The following CNTNAP2 variants were observed in gnomAD, a reference collection of about 807,000 sequenced individuals.
CNTNAP2 encodes the protein contactin-associated protein-like 2.
A neutral mutation model predicts 155.2 loss-of-function variants in CNTNAP2; 98 were observed. The ratio of observed to expected loss-of-function variants is 0.63; its 90% CI spans 0.54 to 0.75. CNTNAP2 has a LOEUF of 0.75. Ranked by LOEUF, CNTNAP2 falls within the 30% of genes least tolerant of loss-of-function variation. The pLI is 0.00. For synonymous variants in CNTNAP2, 651 were observed against 631.2 expected (o/e 1.03, Z -0.47); for missense variants, 1,727 against 1,688.1 (o/e 1.02, Z -0.40).
At chr7:147,302,444 G>A (rs772385186) in intron 9 of CNTNAP2, among the ~76,000 whole-genome samples, 81 of 152,170 alleles carry the variant, frequency 5.3e-4, no homozygotes, top group Non-Finnish European at 9.8e-4. Flanking sequence ...CAGGAGTCAG[G>A]AGAATATTGA....
At chr7:146,942,618 A>G (rs886139860) in intron 3 of CNTNAP2, among the ~76,000 whole-genome samples, 5 of 152,198 alleles carry the variant, frequency 3.3e-5, no homozygotes, top group Non-Finnish European at 5.9e-5. Flanking sequence ...TATATATGCA[A>G]GAATAACTTA....
chr7:147,069,100 T>C (rs914263460), intron 4 of CNTNAP2, among the ~76,000 whole-genome samples: 1 of 152,052 alleles, frequency 6.6e-6, no homozygotes, highest in Non-Finnish European at 1.5e-5. Context: ...GGGGAAAATA[T>C]AGAGCAAGAA....
chr7:148,095,316 G>C (rs764022047), intron 15 of CNTNAP2, among the ~76,000 whole-genome samples: 1 of 152,200 alleles, frequency 6.6e-6, no homozygotes, highest in Non-Finnish European at 1.5e-5. Flanking sequence ...AGTCAGGAGC[G>C]AGGATTCCTT....
At chr7:147,866,061 G>A (rs989153048) in intron 13 of CNTNAP2, among the ~76,000 whole-genome samples, 19 of 152,252 alleles carry the variant, frequency 1.2e-4, no homozygotes, top group African/African-American at 4.6e-4. Flanking sequence ...TGGGCATTTA[G>A]TGCTATAAAT....
At chr7:147,979,823 A>G (rs1325775754) in intron 15 of CNTNAP2, among the ~76,000 whole-genome samples, 1 of 152,052 alleles carries the variant, frequency 6.6e-6, no homozygotes, top group Non-Finnish European at 1.5e-5. Flanking sequence ...GGGTTTCACC[A>G]TGTTGGACAG....
At chr7:146,173,187 G>T (rs1167059293) in intron 1 of CNTNAP2, among the ~76,000 whole-genome samples, 2 of 151,952 alleles carry the variant, frequency 1.3e-5, no homozygotes, top group African/African-American at 4.8e-5. Context: ...TTTATATTTA[G>T]TTTTAATTTT....
intron 1 of CNTNAP2, among the ~76,000 whole-genome samples, chr7:146,327,415 G>T (rs1801116201): frequency 6.6e-6 from 1 of 152,194 alleles, no homozygotes; most frequent in Non-Finnish European, 1.5e-5. Flanking sequence ...ATATCTGGTT[G>T]CACAGAAAGA....
intron 1 of CNTNAP2, among the ~76,000 whole-genome samples, chr7:146,665,102 C>A (rs1800167382): frequency 6.6e-6 from 1 of 152,082 alleles, no homozygotes; most frequent in Non-Finnish European, 1.5e-5. Flanking sequence ...GCACCCACCA[C>A]AATACCCGGC....
At chr7:147,638,841 C>CTT (rs71874555) in intron 12 of CNTNAP2, 4,088 of 505,634 alleles carry the variant, frequency 8.1e-3, no homozygotes, top group Non-Finnish European at 9.5e-3. Context: ...GATACAAAAG[C>CTT]TTTTTTTTTT....
At chr7:147,200,951 A>T (rs538185195) in intron 8 of CNTNAP2, among the ~76,000 whole-genome samples, 16 of 152,328 alleles carry the variant, frequency 1.1e-4, no homozygotes, top group African/African-American at 3.6e-4. Context: ...AGTATTTTCA[A>T]CTGAGGGTCA....
chr7:146,592,050 C>G (rs1038243561), intron 1 of CNTNAP2, among the ~76,000 whole-genome samples: 3 of 152,174 alleles, frequency 2.0e-5, no homozygotes, highest in Non-Finnish European at 4.4e-5. Flanking sequence ...GAAGAAAGAG[C>G]TTCAGCTCCT....
intron 8 of CNTNAP2, among the ~76,000 whole-genome samples, chr7:147,249,012 A>AAC (rs563207751): frequency 4.7e-4 from 71 of 152,208 alleles, no homozygotes; most frequent in Non-Finnish European, 8.4e-4. Flanking sequence ...ATTGGTGGAA[A>AAC]ACACACACAC....
intron 1 of CNTNAP2, among the ~76,000 whole-genome samples, chr7:146,597,506 T>G (rs1385922495): frequency 1.3e-5 from 2 of 152,000 alleles, no homozygotes; most frequent in Non-Finnish European, 2.9e-5. Flanking sequence ...AAGTTTTATA[T>G]ATAGAAGTAT....
At chr7:146,125,091 G>C (rs919168044) in intron 1 of CNTNAP2, among the ~76,000 whole-genome samples, 6 of 152,122 alleles carry the variant, frequency 3.9e-5, no homozygotes, top group African/African-American at 1.2e-4. Flanking sequence ...ACTTATAGTA[G>C]AAGAGATTTT....
chr7:148,005,572 G>T (rs1801961454), intron 15 of CNTNAP2, among the ~76,000 whole-genome samples: 1 of 152,134 alleles, frequency 6.6e-6, no homozygotes, highest in African/African-American at 2.4e-5. Flanking sequence ...GGGAGGTGGA[G>T]AAGGGCACTT....
In CNTNAP2 at chr7:147,635,512, A is replaced by G. The variant is rs764268875; in HGVS notation, c.1898-3594A>G. ...TGTATCTGTCATATCGTAAGCACTC[A>G]ATAATATTTGTTGAATGCATGGGTG... On this transcript the variant is annotated intron_variant, in intron 12 of 23. Transcript: ENST00000361727. Among the ~76,000 whole-genome samples, 76 of 152,136 alleles carry G rather than the reference A, an allele frequency of 5.0e-4. 1 individual carries two copies. Among genetic ancestry groups the G allele is most frequent in the Admixed American group, 2.8e-3 (42 of 15,252 alleles).
chr7:147,040,493 C>T (rs1799239899), intron 3 of CNTNAP2, among the ~76,000 whole-genome samples: 1 of 121,210 alleles, frequency 8.3e-6, no homozygotes, highest in Admixed American at 1.1e-4. Flanking sequence ...CAGAGTCTGG[C>T]TCTGTCACCC....
At chr7:147,425,163 G>A (rs73158360) in intron 10 of CNTNAP2, among the ~76,000 whole-genome samples, 21 of 147,792 alleles carry the variant, frequency 1.4e-4, no homozygotes, top group South Asian at 4.3e-4. Flanking sequence ...AATTGTTTTC[G>A]TTTTCAGATG....
At chr7:147,925,441 C>G (rs1210206579) in intron 14 of CNTNAP2, among the ~76,000 whole-genome samples, 5 of 152,034 alleles carry the variant, frequency 3.3e-5, no homozygotes, top group African/African-American at 1.2e-4. Flanking sequence ...TTTACACTTG[C>G]TGTTGTACAT....
Sources: allele counts gnomAD v4.1 joint callset (sites outside exome capture counted in the v4.1 genomes callset), GRCh38; gene constraint gnomAD v4.1.1; transcripts MANE v1.5; gene names NCBI Gene and HGNC (gene_info 2026-07-23, HGNC 2026-07-21).